ROBO2: variants seen among roughly 807,000 people sequenced by gnomAD.
ROBO2 encodes the protein roundabout homolog 2.
Under a neutral mutation model 160.8 loss-of-function variants are expected in ROBO2, and 53 were observed. The ratio of observed to expected loss-of-function variants is 0.33; its 90% CI spans 0.26 to 0.41. The LOEUF (loss-of-function observed/expected upper bound fraction) is 0.41. ROBO2 is among the 10% of genes least tolerant of loss of function. The probability of loss-of-function intolerance (pLI) is 1.00; values close to 1 mark genes in which losing one functional copy is unlikely to be tolerated. For synonymous variants in ROBO2, 664 were observed against 611.7 expected (o/e 1.09, Z -1.26); for missense variants, 1,577 against 1,722.4 (o/e 0.92, Z 1.49).
intron 2 of ROBO2, among the ~76,000 whole-genome samples, chr3:77,033,566 G>C (rs959320534): frequency 2.0e-5 from 3 of 151,982 alleles, no homozygotes; most frequent in African/African-American, 7.3e-5. Context: ...CAGTTATAGA[G>C]GCAAGCTAAA....
At chr3:76,954,964 G>A (rs1311794358) in intron 2 of ROBO2, among the ~76,000 whole-genome samples, 1 of 152,102 alleles carries the variant, frequency 6.6e-6, no homozygotes, top group African/African-American at 2.4e-5. Context: ...GTATCCAAAT[G>A]TTTCCTTTAC....
At chr3:77,538,628 C>T (rs1215593808) in intron 6 of ROBO2, among the ~76,000 whole-genome samples, 1 of 152,036 alleles carries the variant, frequency 6.6e-6, no homozygotes, top group Non-Finnish European at 1.5e-5. Flanking sequence ...TGTTAATAAG[C>T]TTCAAATCCA....
chr3:77,478,755 A>G (rs191096139), intron 3 of ROBO2, among the ~76,000 whole-genome samples: 55 of 152,340 alleles, frequency 3.6e-4, no homozygotes, highest in Admixed American at 3.1e-3. Flanking sequence ...AAATATGTTT[A>G]TTACAAATGA....
intron 6 of ROBO2, among the ~76,000 whole-genome samples, chr3:77,524,566 G>A (rs1290915610): frequency 6.6e-6 from 1 of 151,394 alleles, no homozygotes; most frequent in Non-Finnish European, 1.5e-5. Flanking sequence ...AACGTGAGGA[G>A]TTGTTTGTTT....
At chr3:76,008,232 C>CAAAAAA (rs5850225) in intron 2 of ROBO2, among the ~76,000 whole-genome samples, 86 of 82,220 alleles carry the variant, frequency 1.0e-3, no homozygotes, top group East Asian at 3.2e-3. Flanking sequence ...AAGACTCTGT[C>CAAAAAA]AAAAAAAAAA....
intron 2 of ROBO2, among the ~76,000 whole-genome samples, chr3:77,323,022 T>C (rs2064959090): frequency 1.0e-4 from 1 of 9,910 alleles, no homozygotes; most frequent in Non-Finnish European, 5.2e-4. Context: ...ATGGATAATA[T>C]AATATATTAT....
intron 2 of ROBO2, among the ~76,000 whole-genome samples, chr3:77,158,411 G>T (rs1024033787): frequency 1.3e-5 from 2 of 152,058 alleles, no homozygotes; most frequent in Non-Finnish European, 2.9e-5. Flanking sequence ...AAAACAGACG[G>T]CAAACCATAT....
intron 2 of ROBO2, among the ~76,000 whole-genome samples, chr3:76,702,080 G>A (rs1457769711): frequency 1.3e-5 from 2 of 151,920 alleles, no homozygotes; most frequent in African/African-American, 4.8e-5. Flanking sequence ...TCTTTCCAGA[G>A]TATATGACCA....
chr3:77,147,088 A>G (rs1293407237), intron 2 of ROBO2, among the ~76,000 whole-genome samples: 1 of 152,192 alleles, frequency 6.6e-6, no homozygotes, highest in Admixed American at 6.5e-5. Flanking sequence ...TTTTTTACCT[A>G]AGAAGAAACA....
chr3:77,556,759 C>T (rs919990142), intron 8 of ROBO2, among the ~76,000 whole-genome samples: 12 of 151,736 alleles, frequency 7.9e-5, no homozygotes, highest in African/African-American at 2.7e-4. Flanking sequence ...TATTAGAATC[C>T]ATCATTCATT....
At chr3:76,322,295 C>T (rs2072628720) in intron 2 of ROBO2, among the ~76,000 whole-genome samples, 1 of 150,002 alleles carries the variant, frequency 6.7e-6, no homozygotes, top group Admixed American at 6.7e-5. Flanking sequence ...AATAGTTCAT[C>T]TTTTATAATT....
At chr3:76,251,128 G>A (rs940855077) in intron 2 of ROBO2, among the ~76,000 whole-genome samples, 2 of 151,990 alleles carry the variant, frequency 1.3e-5, no homozygotes, top group Admixed American at 1.3e-4. Context: ...TTTTGATTAA[G>A]TTGCTGAGGT....
intron 2 of ROBO2, among the ~76,000 whole-genome samples, chr3:76,485,317 A>G (rs2079435842): frequency 6.6e-6 from 1 of 151,876 alleles, no homozygotes; most frequent in African/African-American, 2.4e-5. Context: ...AGGTCCCTGG[A>G]ATGCGCAGTC....
At chr3:76,579,247 G>T (rs1369689837) in intron 2 of ROBO2, among the ~76,000 whole-genome samples, 2 of 152,054 alleles carry the variant, frequency 1.3e-5, no homozygotes, top group Admixed American at 6.6e-5. Flanking sequence ...ATAAATAAAA[G>T]ATAGCATCTT....
intron 1 of ROBO2, among the ~76,000 whole-genome samples, chr3:77,056,628 A>G (rs911435300): frequency 3.9e-5 from 6 of 152,220 alleles, no homozygotes; most frequent in African/African-American, 9.6e-5. Flanking sequence ...TGTAAATTTC[A>G]TAGTTTTAAA....
intron 24 of ROBO2, among the ~76,000 whole-genome samples, chr3:77,644,093 A>G (rs1029980915): frequency 2.5e-4 from 37 of 147,924 alleles, no homozygotes; most frequent in African/African-American, 8.8e-4. Context: ...AACATATGTC[A>G]TGAGTTATTT....
At chr3:76,111,052 C>A (rs1345060680) in intron 2 of ROBO2, among the ~76,000 whole-genome samples, 2 of 152,010 alleles carry the variant, frequency 1.3e-5, no homozygotes, top group African/African-American at 4.8e-5. Context: ...GTCCTGACCC[C>A]CAATACCTTA....
At chr3:77,026,656 C>T (rs543523363) in intron 2 of ROBO2, among the ~76,000 whole-genome samples, 28 of 152,224 alleles carry the variant, frequency 1.8e-4, no homozygotes, top group African/African-American at 5.3e-4. Context: ...CAGAATGTTC[C>T]GGAGAGGACT....
At chr3:76,518,380 G>T (rs1194755229) in intron 2 of ROBO2, among the ~76,000 whole-genome samples, 1 of 152,036 alleles carries the variant, frequency 6.6e-6, no homozygotes, top group Non-Finnish European at 1.5e-5. Context: ...ATACAGGCGT[G>T]CCATGTAAAA....
Sources: gnomAD v4.1 joint callset for allele counts (sites outside exome capture counted in the v4.1 genomes callset) on GRCh38, gnomAD v4.1.1 for gene constraint, MANE v1.5 for transcripts, NCBI Gene and HGNC (gene_info 2026-07-23, HGNC 2026-07-21) for gene names.